Variants in TLN2 observed in about 807,000 individuals in gnomAD.
TLN2 encodes the protein talin-2.
A neutral mutation model predicts 294.7 loss-of-function variants in TLN2; 118 were observed. The ratio of observed to expected loss-of-function variants is 0.40; its 90% CI spans 0.34 to 0.47. The LOEUF (loss-of-function observed/expected upper bound fraction) is 0.47, where lower values mean the gene tolerates loss of function less well. TLN2 is among the 20% of genes least tolerant of loss of function. The pLI, the probability that TLN2 is intolerant of heterozygous loss-of-function variation, is 0.84. For missense variants in TLN2, 3,083 were observed against 3,282.2 expected, an observed-to-expected ratio of 0.94 and a Z score of 1.48; for synonymous variants, 1,431 against 1,304.5, an observed-to-expected ratio of 1.10 and a Z score of -2.09.
chr15:62,655,535 C>G (rs996006080), intron 7 of TLN2, among the ~76,000 whole-genome samples: 1 of 152,168 alleles, frequency 6.6e-6, no homozygotes, highest in African/African-American at 2.4e-5. Flanking sequence ...ACTGGAGTAT[C>G]TGCCCTCCAC....
At chr15:62,568,412 A>T (rs1204445739) in intron 1 of TLN2, among the ~76,000 whole-genome samples, 3 of 152,190 alleles carry the variant, frequency 2.0e-5, no homozygotes, top group African/African-American at 7.2e-5. Flanking sequence ...CTTTAAATGG[A>T]ACATTGAACG....
chr15:62,721,489 A>G (rs1318472742), intron 25 of TLN2, among the ~76,000 whole-genome samples: 2 of 152,086 alleles, frequency 1.3e-5, no homozygotes, highest in East Asian at 1.9e-4. Context: ...TACTCATGGT[A>G]GCTTTTATAA....
intron 1 of TLN2, among the ~76,000 whole-genome samples, chr15:62,455,684 G>T (rs942492880): frequency 6.6e-6 from 1 of 152,138 alleles, no homozygotes; most frequent in Admixed American, 6.5e-5. Context: ...TGCCCTGCTC[G>T]GGGCTGCCTG....
At chr15:62,642,428 T>C (rs765870142) in intron 3 of TLN2, among the ~76,000 whole-genome samples, 1 of 152,180 alleles carries the variant, frequency 6.6e-6, no homozygotes, top group Non-Finnish European at 1.5e-5. Flanking sequence ...GTCTGCACCA[T>C]GAAAAGCCCG....
At chr15:62,826,716 C>A (rs1596149567) in intron 54 of TLN2, among the ~76,000 whole-genome samples, 2 of 151,134 alleles carry the variant, frequency 1.3e-5, no homozygotes, top group African/African-American at 2.4e-5. Flanking sequence ...CTTGCAACAA[C>A]AAAAAAAAAA....
At chr15:62,595,224 C>T (rs2046388918) in intron 2 of TLN2, among the ~76,000 whole-genome samples, 1 of 151,936 alleles carries the variant, frequency 6.6e-6, no homozygotes, top group Non-Finnish European at 1.5e-5. Flanking sequence ...AATTTGAGAC[C>T]AGCCTGGCCA....
chr15:62,680,297 A>G (rs1047032354), intron 11 of TLN2, among the ~76,000 whole-genome samples: 1 of 152,206 alleles, frequency 6.6e-6, no homozygotes, highest in Non-Finnish European at 1.5e-5. Context: ...CTTTTAACCC[A>G]TAAACATGAT....
chr15:62,723,845 C>T (rs1462197552), intron 26 of TLN2, among the ~76,000 whole-genome samples: 4 of 151,830 alleles, frequency 2.6e-5, no homozygotes, highest in African/African-American at 9.7e-5. Context: ...CCACTGCACC[C>T]GGCAATATTT....
chr15:62,795,871 A>G (rs1213149134), intron 46 of TLN2, among the ~76,000 whole-genome samples: 2 of 152,184 alleles, frequency 1.3e-5, no homozygotes, highest in Non-Finnish European at 1.5e-5. Flanking sequence ...CAACAACCCT[A>G]ATAGGCCAGA....
At chr15:62,632,226 G>C (rs2049969988) in intron 3 of TLN2, among the ~76,000 whole-genome samples, 2 of 152,232 alleles carry the variant, frequency 1.3e-5, no homozygotes, top group Admixed American at 1.3e-4. Context: ...TTAAAGTTGA[G>C]CAGCTCTTGC....
intron 58 of TLN2, 94 bp downstream of exon 58, chr15:62,839,075 A>ATTTCTTCC: frequency 6.7e-7 from 1 of 1,490,570 alleles, no homozygotes; most frequent in Admixed American, 2.0e-5. Context: ...ATGAAAGTTT[A>ATTTCTTCC]TTTCTTCCTC....
At chr15:62,791,801 C>T (rs548518248) in intron 45 of TLN2, among the ~76,000 whole-genome samples, 2 of 152,148 alleles carry the variant, frequency 1.3e-5, no homozygotes, top group South Asian at 2.1e-4. Context: ...GCAGCTGTAT[C>T]GATCAGACCA....
chr15:62,786,742 C>G (rs2064693479), intron 45 of TLN2, among the ~76,000 whole-genome samples: 1 of 152,150 alleles, frequency 6.6e-6, no homozygotes, highest in Non-Finnish European at 1.5e-5. Flanking sequence ...CTAAAATTTT[C>G]CACCCCAAGA....
intron 1 of TLN2, among the ~76,000 whole-genome samples, chr15:62,584,449 C>G (rs576018735): frequency 4.3e-4 from 66 of 152,324 alleles, no homozygotes; most frequent in African/African-American, 1.5e-3. Flanking sequence ...GGCAACGTAG[C>G]ATATTGTCAT....
intron 58 of TLN2, among the ~76,000 whole-genome samples, chr15:62,839,359 G>T (rs77628766): frequency 0.022 from 3,346 of 152,308 alleles, 53 homozygotes; most frequent in Admixed American, 0.039. Context: ...TATATTTTTT[G>T]TGAGTAGCAT....
chr15:62,773,904 G>A (rs2063516595), intron 42 of TLN2, among the ~76,000 whole-genome samples: 1 of 152,132 alleles, frequency 6.6e-6, no homozygotes, highest in Non-Finnish European at 1.5e-5. Context: ...CCAGAACCTG[G>A]TGTTAATGAA....
intron 1 of TLN2, among the ~76,000 whole-genome samples, chr15:62,581,208 A>G (rs1324165322): frequency 3.3e-5 from 5 of 152,016 alleles, no homozygotes; most frequent in African/African-American, 7.2e-5. Context: ...CTGTCTCCCT[A>G]GTGTTGCCTC....
intron 54 of TLN2, among the ~76,000 whole-genome samples, chr15:62,825,793 A>ATATATATTATATAATAT (rs71131130): frequency 1.1e-4 from 1 of 9,398 alleles, no homozygotes; most frequent in African/African-American, 2.3e-4. Flanking sequence ...TATATATTAT[A>ATATATATTATATAATAT]ATATATATTA....
intron 41 of TLN2, among the ~76,000 whole-genome samples, chr15:62,769,723 A>G (rs2063232181): frequency 6.6e-6 from 1 of 151,908 alleles, no homozygotes; most frequent in Non-Finnish European, 1.5e-5. Context: ...TCCTGTCCAC[A>G]TCCCCACAAC....
Sources: allele counts gnomAD v4.1 joint callset (sites outside exome capture counted in the v4.1 genomes callset), GRCh38; gene constraint gnomAD v4.1.1; transcripts MANE v1.5; gene names NCBI Gene and HGNC (gene_info 2026-07-23, HGNC 2026-07-21).